CD6: variants seen among roughly 807,000 people sequenced by gnomAD.
CD6 encodes the protein CD6 molecule.
A neutral mutation model predicts 75.3 loss-of-function variants in CD6; 53 were observed. That is an observed-to-expected ratio of 0.70 (90% confidence interval 0.56 to 0.88). The LOEUF (loss-of-function observed/expected upper bound fraction) is 0.88. Among genes scored for constraint, CD6 ranks in the 40% least tolerant of loss-of-function variants. CD6 has a pLI of 0.00. For missense variants in CD6, 770 were observed against 897.1 expected, an observed-to-expected ratio of 0.86 and a Z score of 1.81; for synonymous variants, 359 against 381.5, an observed-to-expected ratio of 0.94 and a Z score of 0.69.
At chr11:60,984,356 C>T (rs1327143777) in intron 1 of CD6, among the ~76,000 whole-genome samples, 1 of 152,118 alleles carries the variant, frequency 6.6e-6, no homozygotes, top group Non-Finnish European at 1.5e-5. Context: ...TGGCTCAGTG[C>T]ATGGCAGGCT....
chr11:60,978,466 G>A (rs924819403), intron 1 of CD6, among the ~76,000 whole-genome samples: 1 of 152,220 alleles, frequency 6.6e-6, no homozygotes, highest in Non-Finnish European at 1.5e-5. Flanking sequence ...GGTGAGGTGG[G>A]TGTGGACTTT....
rs1858920553 is a variant in CD6 at position 61,007,556 on chromosome 11, C to G, written c.119-4C>G. The G allele has an allele frequency of 6.7e-7, 1 of 1,487,724 alleles. No homozygotes were observed. The highest frequency in any genetic ancestry group is 8.9e-7 in the Non-Finnish European group (1 of 1,118,000). The allele number at this position is 1,487,724 out of a possible 1,614,324, so 92.2% of individuals were successfully genotyped here. On this transcript the variant is annotated splice_polypyrimidine_tract_variant and splice_region_variant and intron_variant, in intron 2 of 12. Transcript: ENST00000313421. This position sits in a 1 kb window ranked among gnomAD's most constrained non-coding sequence, Gnocchi z 4.2. ...GTCTCAGCTCTCTGGTCTGACACTT[C>G]CAGGGGAGCGGCTTCCGGTCCGTCT...
chr11:61,019,207 AG>A (rs754414932), intron 12 of CD6, 46 bp from the exon 13 acceptor site: 18 of 1,458,246 alleles, frequency 1.2e-5, no homozygotes, highest in Non-Finnish European at 1.7e-5. Context: ...GTGGGGCAGC[AG>A]GGCAATGACT....
chr11:60,992,046 A>AT (rs1452058786), intron 1 of CD6, among the ~76,000 whole-genome samples: 1 of 151,996 alleles, frequency 6.6e-6, no homozygotes, highest in African/African-American at 2.4e-5. Context: ...TGTCCAGCTA[A>AT]TTTTTTGAAT....
At chr11:60,981,670 C>A (rs1350634602) in intron 1 of CD6, among the ~76,000 whole-genome samples, 3 of 152,230 alleles carry the variant, frequency 2.0e-5, no homozygotes, top group Admixed American at 6.5e-5. Context: ...GCTGCTCCGA[C>A]TGGGACCGGG....
chr11:61,011,908 T>C (rs974412505), intron 6 of CD6, among the ~76,000 whole-genome samples: 2 of 152,250 alleles, frequency 1.3e-5, no homozygotes, highest in African/African-American at 4.8e-5. Flanking sequence ...CTAGCATTGC[T>C]GTGAGGCTCC....
chr11:60,992,280 C>T (rs1201063479), intron 1 of CD6, among the ~76,000 whole-genome samples: 1 of 151,770 alleles, frequency 6.6e-6, no homozygotes, highest in Non-Finnish European at 1.5e-5. Context: ...CTGCCTCAGC[C>T]ACTGAAAGTG....
intron 1 of CD6, chr11:60,982,779 T>C (rs1363444775): frequency 2.2e-6 from 1 of 455,578 alleles, no homozygotes; most frequent in East Asian, 7.0e-5. Context: ...AGGTGCGAAG[T>C]GGGGAACGAC....
At chr11:61,009,908 G>A (rs1859066778) in intron 5 of CD6, 34 bp downstream of exon 5, 2 of 1,516,932 alleles carry the variant, frequency 1.3e-6, no homozygotes, top group East Asian at 2.3e-5. Flanking sequence ...CCAGATTTGA[G>A]CCAGAATTCT....
At chr11:60,974,457 G>C (rs1162997715) in intron 1 of CD6, among the ~76,000 whole-genome samples, 1 of 152,188 alleles carries the variant, frequency 6.6e-6, no homozygotes, top group African/African-American at 2.4e-5. Context: ...ACGTTGGCCA[G>C]GATGGTCTCA....
chr11:60,990,379 C>A (rs1858011622), intron 1 of CD6, among the ~76,000 whole-genome samples: 1 of 152,150 alleles, frequency 6.6e-6, no homozygotes, highest in Admixed American at 6.6e-5. Context: ...CACACACCAC[C>A]ACACCCGGCT....
In CD6 at chr11:61,009,843, C is replaced by A; in HGVS notation, c.1053C>A (p.Ser351Arg). ...SWRFNNSNLC[S>R]QSLAARVLCS... The stretch of plus-strand genomic sequence containing the variant: ...GGTTCAACAACTCCAACCTCTGCAG[C>A]CAGTCGCTGGCAGCCAGGGTCCTCT... The change falls in exon 5 of 13, where the codon AGC (serine) becomes AGA (arginine). Residue 351 changes from serine to arginine, a missense_variant. Transcript: ENST00000313421. 6.4e-7 allele frequency: 1 copy of A among 1,569,376 alleles called. No homozygotes were observed. The highest frequency in any genetic ancestry group is 8.7e-7 in the Non-Finnish European group (1 of 1,155,462).
At chr11:60,972,616 G>C (rs182112304) in intron 1 of CD6, among the ~76,000 whole-genome samples, 18 of 152,314 alleles carry the variant, frequency 1.2e-4, no homozygotes, top group Admixed American at 6.5e-4. Flanking sequence ...TGGCCAGAGC[G>C]GGGCAGGGGC....
Position 61,014,500 on chromosome 11 carries a change from T to A in CD6, c.1387+486T>A, listed in dbSNP as rs374566334. ...CTGTAATCCCAGCACTTTGGGAACC[T>A]GAGGTGGGCAGATCACTTGAGGTCA... On this transcript the variant is annotated intron_variant, in intron 8 of 12. Transcript: ENST00000313421. Among the ~76,000 whole-genome samples the A allele has an allele frequency of 2.0e-5, 3 of 152,200 alleles. No homozygotes were observed. In the East Asian group the frequency reaches 5.8e-4, roughly 29 times the overall value.
chr11:61,018,479 T>TAAAGGGGAAAAGGAGAAAG, intron 12 of CD6, 86 bp downstream of exon 12: 2 of 787,484 alleles, frequency 2.5e-6, no homozygotes, highest in South Asian at 1.9e-5. Flanking sequence ...ATGCATTCGC[T>TAAAGGGGAAAAGGAGAAAG]CAAGGGGAAA....
At chr11:60,988,428 C>T (rs1305268179) in intron 1 of CD6, among the ~76,000 whole-genome samples, 1 of 152,222 alleles carries the variant, frequency 6.6e-6, no homozygotes, top group East Asian at 1.9e-4. Context: ...TTAGTCTGAA[C>T]ATCCCTGGTG....
chr11:60,995,447 C>T (rs2135097335), intron 1 of CD6, among the ~76,000 whole-genome samples: 1 of 152,256 alleles, frequency 6.6e-6, no homozygotes, highest in South Asian at 2.1e-4. Flanking sequence ...GCCCAGCCCG[C>T]ATCTTTCTAA....
intron 1 of CD6, among the ~76,000 whole-genome samples, chr11:60,978,976 C>T (rs148507850): frequency 2.6e-5 from 4 of 152,324 alleles, no homozygotes; most frequent in African/African-American, 9.6e-5. Flanking sequence ...ATACAGGACT[C>T]GGTGGTTAAC....
rs1327840901 is a variant in CD6, at chr11:61,009,675, C to A, written c.885C>A (p.Tyr295Ter). 4.3e-6 allele frequency: 7 copies of A among 1,613,946 alleles called. No individual in the cohort carries two copies. The highest frequency in any genetic ancestry group is 5.9e-6 in the Non-Finnish European group (7 of 1,180,022). Residue 295 changes from tyrosine to a stop codon, truncating the protein, a stop_gained, in exon 5 of 13, where the codon TAC becomes TAA. Coordinates refer to ENST00000313421, the MANE Select transcript of CD6 (RefSeq NM_006725.5). LOFTEE classifies it high-confidence loss of function. ...ACACAGTGTGTGACAGTGAGTGGTA[C>A]CCATCGGAGGCCAAGGTGCTCTGCC... ...VWNTVCDSEW[Y>*]PSEAKVLCQS...
Sources: gnomAD v4.1 joint callset for allele counts (sites outside exome capture counted in the v4.1 genomes callset) on GRCh38, gnomAD v4.1.1 for gene constraint, Gnocchi (gnomAD v3.1) non-coding constraint, MANE v1.5 for transcripts, NCBI Gene and HGNC (gene_info 2026-07-23, HGNC 2026-07-21) for gene names.